LSM7: variants seen among roughly 807,000 people sequenced by gnomAD.
LSM7 encodes LSM7 homolog, U6 small nuclear RNA and mRNA degradation associated, also known as U6 snRNA-associated Sm-like protein LSm7.
In LSM7, 13 loss-of-function variants were observed where a neutral mutation model predicts 14.1. The ratio of observed to expected loss-of-function variants is 0.92; its 90% CI spans 0.60 to 1.47. The LOEUF is 1.47. Among genes scored for constraint, LSM7 ranks in the 40% most tolerant of loss-of-function variants. The pLI, the probability that LSM7 is intolerant of heterozygous loss-of-function variation, is 0.00. For missense variants in LSM7, 108 were observed against 140.8 expected, an observed-to-expected ratio of 0.77 and a Z score of 1.18; for synonymous variants, 70 against 57.1, an observed-to-expected ratio of 1.23 and a Z score of -1.02.
chr19:2,322,993 C>T (rs1198048846), intron 3 of LSM7, among the ~76,000 whole-genome samples: 2 of 151,820 alleles, frequency 1.3e-5, no homozygotes. Flanking sequence ...GCTGGGATTA[C>T]AGGCATGAGC....
At chr19:2,324,447 A>T (rs1568421093) in intron 2 of LSM7, 4 of 530,816 alleles carry the variant, frequency 7.5e-6, no homozygotes, top group Non-Finnish European at 1.0e-5. Flanking sequence ...TGCCGGTCAC[A>T]GCTGCTGGCT....
intron 3 of LSM7, 76 bp downstream of exon 3, chr19:2,324,049 C>T: frequency 1.7e-6 from 1 of 590,440 alleles, no homozygotes. Context: ...GTCCCACTGC[C>T]CCCCTCGTCC....
chr19:2,325,739 C>T (rs1201105150), intron 2 of LSM7, among the ~76,000 whole-genome samples: 5 of 152,264 alleles, frequency 3.3e-5, no homozygotes, highest in Admixed American at 6.5e-5. Context: ...CGCTGGCCCA[C>T]CACCACACTC....
intron 3 of LSM7, among the ~76,000 whole-genome samples, chr19:2,323,596 ATG>A (rs1967968623): frequency 6.6e-6 from 1 of 152,046 alleles, no homozygotes; most frequent in Non-Finnish European, 1.5e-5. Flanking sequence ...GATTACAGGC[ATG>A]CGCCACCACA....
Position 2,327,688 on chromosome 19 carries a change from C to T in LSM7, c.97+699G>A, listed in dbSNP as rs118111059. Among the ~76,000 whole-genome samples, 734 of 152,286 alleles carry T rather than the reference C, an allele frequency of 4.8e-3. 5 individuals carry two copies. The highest frequency in any genetic ancestry group is 0.017 in the Middle Eastern group (5 of 294). ...AATTGCTGGGATTACACACGTGAGC[C>T]GCCCCGTCCGGCTGGGGCACTGTGA... On this transcript the variant is annotated intron_variant, in intron 2 of 3. Coordinates refer to ENST00000252622, the MANE Select transcript of LSM7 (RefSeq NM_016199.3).
intron 2 of LSM7, among the ~76,000 whole-genome samples, chr19:2,325,546 C>T (rs117427261): frequency 3.3e-5 from 5 of 152,264 alleles, no homozygotes; most frequent in East Asian, 1.9e-4. Flanking sequence ...CCACCAATCT[C>T]GGGAAGCAGG....
At chr19:2,322,659 C>T (rs975703871) in intron 3 of LSM7, among the ~76,000 whole-genome samples, 6 of 152,200 alleles carry the variant, frequency 3.9e-5, no homozygotes, top group South Asian at 2.1e-4. Context: ...GATTAAAACT[C>T]CTCACTACTG....
chr19:2,326,312 TTG>T lies in LSM7; in HGVS notation c.97+2073_97+2074del, dbSNP rs145468909. Among the ~76,000 whole-genome samples the T allele has an allele frequency of 4.1e-3, 533 of 129,746 alleles. 1 individual carries two copies. Among genetic ancestry groups the T allele is most frequent in the East Asian group, 0.03 (135 of 4,490 alleles). 85.1% of individuals were successfully genotyped at this position (129,746 alleles called of 152,430 possible). On this transcript the variant is annotated intron_variant, in intron 2 of 3. Coordinates refer to ENST00000252622, the MANE Select transcript of LSM7 (RefSeq NM_016199.3). Reference sequence around the variant, plus strand: ...TCAGGGACCAAACCCTTTCTGCTTTTTGTGTGTGTGTGTGTGTGTGTGTGTGT... The same window carrying T: ...TCAGGGACCAAACCCTTTCTGCTTTTTGTGTGTGTGTGTGTGTGTGTGTGT...
At chr19:2,323,602 C>T (rs1263029975) in intron 3 of LSM7, among the ~76,000 whole-genome samples, 1 of 152,154 alleles carries the variant, frequency 6.6e-6, no homozygotes, top group South Asian at 2.1e-4. Flanking sequence ...AGGCATGCGC[C>T]ACCACACCCA....
At chr19:2,327,671 G>A (rs1447775669) in intron 2 of LSM7, among the ~76,000 whole-genome samples, 2 of 152,080 alleles carry the variant, frequency 1.3e-5, no homozygotes, top group African/African-American at 4.8e-5. Flanking sequence ...CAAATTGCTG[G>A]GATTACACAC....
At chr19:2,324,440 C>A in intron 2 of LSM7, 1 of 531,360 alleles carries the variant, frequency 1.9e-6, no homozygotes, top group East Asian at 3.1e-5. Flanking sequence ...CACAGGGTGC[C>A]GGTCACAGCT....
At chr19:2,324,061 G>T in intron 3 of LSM7, 64 bp downstream of exon 3, 3 of 456,628 alleles carry the variant, frequency 6.6e-6, no homozygotes, top group Non-Finnish European at 1.0e-5. Context: ...CCCTCGTCCC[G>T]CTGCCCCCCT....
intron 2 of LSM7, among the ~76,000 whole-genome samples, chr19:2,325,752 C>T (rs1968004798): frequency 6.6e-6 from 1 of 152,264 alleles, no homozygotes; most frequent in South Asian, 2.1e-4. Context: ...CCACACTCGC[C>T]CGCTCAGGCG....
At position 2,328,470 on chromosome 19, in the gene LSM7, T is replaced by C; in HGVS notation, c.14A>G (p.Glu5Gly). The change falls in exon 2 of 4, where the codon GAG (glutamate) becomes GGG (glycine). Residue 5 changes from glutamate (E) to glycine (G), a missense_variant. Physicochemically the swap from Glu to Gly is moderately conservative, Grantham distance 98 (BLOSUM62 -2). Coordinates refer to ENST00000252622, the MANE Select transcript of LSM7 (RefSeq NM_016199.3). MADKEKKKKESILDL... is the reference protein window; with the variant it reads MADKGKKKKESILDL... ...CAAGATGCTCTCCTTTTTCTTCTTC[T>C]CCTTATCCTGCGGGGAAAGCAGAGC... 6.2e-7 allele frequency: 1 copy of C among 1,613,790 alleles called. No homozygotes were observed. Among genetic ancestry groups the C allele is most frequent in the East Asian group, 2.2e-5 (1 of 44,850 alleles).
chr19:2,328,487 A>C lies in LSM7; in HGVS notation c.7-10T>G, dbSNP rs1458146930. On this transcript the variant is annotated splice_polypyrimidine_tract_variant and intron_variant, in intron 1 of 3. Coordinates refer to ENST00000252622, the MANE Select transcript of LSM7 (RefSeq NM_016199.3). ...TCTTCTTCTCCTTATCCTGCGGGGA[A>C]AGCAGAGCGCATGAGACCTGGAGCG... 5.0e-6 allele frequency: 8 copies of C among 1,613,430 alleles called. No individual in the cohort carries two copies. Among genetic ancestry groups the C allele is most frequent in the Non-Finnish European group, 6.8e-6 (8 of 1,179,746 alleles).
rs954119048 is a variant in LSM7, at chr19:2,324,205, A to G, written c.98-9T>C. 7.6e-6 allele frequency: 12 copies of G among 1,571,102 alleles called. No homozygotes were observed. The highest frequency in any genetic ancestry group is 1.2e-5 in the South Asian group (1 of 85,404). On this transcript the variant is annotated splice_polypyrimidine_tract_variant and intron_variant, in intron 2 of 3. Coordinates refer to ENST00000252622, the MANE Select transcript of LSM7 (RefSeq NM_016199.3). ...CTTCAGGATTCCACTGGCTTGGAGA[A>G]ATCACCGGGGGAGAGAAAAGAGAAG...
At chr19:2,326,381 G>A (rs1167591183) in intron 2 of LSM7, among the ~76,000 whole-genome samples, 2 of 147,470 alleles carry the variant, frequency 1.4e-5, no homozygotes, top group South Asian at 2.2e-4. Flanking sequence ...TTGCTCTGTC[G>A]CCCAGGCTGG....
At chr19:2,323,821 G>A (rs1018602637) in intron 3 of LSM7, among the ~76,000 whole-genome samples, 7 of 152,154 alleles carry the variant, frequency 4.6e-5, no homozygotes, top group African/African-American at 1.2e-4. Flanking sequence ...TAACTGTGCC[G>A]GGCGCCCCGT....
At chr19:2,325,959 C>T (rs1345826678) in intron 2 of LSM7, 1 of 152,404 alleles carries the variant, frequency 6.6e-6, no homozygotes, top group Non-Finnish European at 1.5e-5. Context: ...TCAAGTCCCT[C>T]CCCTGCAAAA....
Sources: gnomAD v4.1 joint callset for allele counts (sites outside exome capture counted in the v4.1 genomes callset) on GRCh38, gnomAD v4.1.1 for gene constraint, MANE v1.5 for transcripts, NCBI Gene and HGNC (gene_info 2026-07-23, HGNC 2026-07-21) for gene names.